Variants in TRAPPC8 observed in about 807,000 individuals in gnomAD.
TRAPPC8 encodes general sporulation gene 1 homolog.
Under a neutral mutation model 174.3 loss-of-function variants are expected in TRAPPC8, and 54 were observed. That is an observed-to-expected ratio of 0.31 (90% CI 0.25 to 0.39). TRAPPC8 has a LOEUF of 0.39. Among genes scored for constraint, TRAPPC8 ranks in the 10% least tolerant of loss-of-function variants. The probability of loss-of-function intolerance (pLI) is 1.00; values close to 1 mark genes in which losing one functional copy is unlikely to be tolerated. For missense variants in TRAPPC8, 1,531 were observed against 1,699.1 expected (o/e 0.90, Z 1.74); for synonymous variants, 630 against 579.9 (o/e 1.09, Z -1.24).
Position 31,917,479 on chromosome 18 carries a change from T to C in TRAPPC8, c.442+99A>G, listed in dbSNP as rs980054942. 20 of 1,011,564 alleles carry C rather than the reference T, an allele frequency of 2.0e-5. No homozygotes were observed. The African/African-American group carries it at 2.6e-4, about 13-fold the overall frequency. The allele number at this position is 1,011,564 out of a possible 1,614,324, so 62.7% of individuals were successfully genotyped here. ...CAATCTATAAAAAATAATTTATCTA[T>C]TCTCTGTATCTTCAACAATTTTGCC... is the stretch of plus-strand genomic sequence containing the variant. On this transcript the variant is annotated intron_variant, in intron 3 of 28. Coordinates refer to ENST00000283351, the MANE Select transcript of TRAPPC8 (RefSeq NM_014939.5).
At chr18:31,875,457 T>C (rs1243199117) in intron 12 of TRAPPC8, among the ~76,000 whole-genome samples, 1 of 152,084 alleles carries the variant, frequency 6.6e-6, no homozygotes, top group Non-Finnish European at 1.5e-5. Flanking sequence ...CTGGCCAGTG[T>C]TGTGACCACT....
At chr18:31,890,938 AC>A in intron 11 of TRAPPC8, 72 bp from the exon 12 acceptor site, 21 of 1,447,120 alleles carry the variant, frequency 1.5e-5, no homozygotes, top group Non-Finnish European at 1.6e-5. Context: ...AGTGAAAAAA[AC>A]ATTTAATTTC....
chr18:31,921,268 A>G (rs2037376001), intron 2 of TRAPPC8, among the ~76,000 whole-genome samples: 1 of 152,202 alleles, frequency 6.6e-6, no homozygotes, highest in Admixed American at 6.5e-5. Context: ...ACAAGAGAGA[A>G]GAGAAAGAAG....
In TRAPPC8 at chr18:31,841,286, T is replaced by C. The variant is rs376268027; in HGVS notation, c.3838-1829A>G. On this transcript the variant is annotated intron_variant, in intron 26 of 28. Coordinates refer to ENST00000283351, the MANE Select transcript of TRAPPC8 (RefSeq NM_014939.5). The stretch of plus-strand genomic sequence containing the variant: ...TTCTCATTTGTATATTTGTTTTTTT[T>C]GTTTTAAATTTTTTATCTTTCCAAT... 1.3e-3 allele frequency among the ~76,000 whole-genome samples: 199 copies of C among 152,296 alleles called. 1 individual carries two copies. Among genetic ancestry groups the C allele is most frequent in the Middle Eastern group, 6.8e-3 (2 of 294 alleles).
rs146221906 is a variant in TRAPPC8 at position 31,929,428 on chromosome 18, G to A, written c.352+1901C>T. ...TATAGTCCTAATTACTTGGGAGGCT[G>A]AGGTGAGAAGATTGCATAAGTCCAG... On this transcript the variant is annotated intron_variant, in intron 2 of 28. Coordinates refer to ENST00000283351, the MANE Select transcript of TRAPPC8 (RefSeq NM_014939.5). Among the ~76,000 whole-genome samples the A allele has an allele frequency of 4.0e-3, 607 of 152,198 alleles. 17 individuals carry two copies. The highest frequency in any genetic ancestry group is 0.03 in the Admixed American group (465 of 15,266).
intron 14 of TRAPPC8, among the ~76,000 whole-genome samples, chr18:31,871,915 A>C (rs942009730): frequency 6.6e-6 from 1 of 152,236 alleles, no homozygotes. Flanking sequence ...ATTCAAATAT[A>C]AGAATGTTTA....
In TRAPPC8 at chr18:31,866,837, T is replaced by C; in HGVS notation, c.2590+12A>G. On this transcript the variant is annotated intron_variant, in intron 18 of 28. Coordinates refer to ENST00000283351, the MANE Select transcript of TRAPPC8 (RefSeq NM_014939.5). ...AAGTTTTCTAATTGTTTACCAATGC[T>C]ATAGCCTTTACCTGTGTGACATCCG... The C allele has an allele frequency of 6.2e-7, 1 of 1,610,752 alleles. No homozygotes were observed. Among genetic ancestry groups the C allele is most frequent in the South Asian group, 1.1e-5 (1 of 90,478 alleles).
At chr18:31,887,322 A>G (rs962040609) in intron 12 of TRAPPC8, among the ~76,000 whole-genome samples, 1 of 152,202 alleles carries the variant, frequency 6.6e-6, no homozygotes, top group Non-Finnish European at 1.5e-5. Context: ...AACTCTCAAT[A>G]AACTGGGTAT....
chr18:31,919,558 A>G (rs2037289332), intron 2 of TRAPPC8, among the ~76,000 whole-genome samples: 1 of 125,124 alleles, frequency 8.0e-6, no homozygotes, highest in Non-Finnish European at 1.7e-5. Context: ...ATAAATAAAT[A>G]AATAAATAAA....
chr18:31,838,996 C>CT (rs2032934189), intron 27 of TRAPPC8, among the ~76,000 whole-genome samples: 1 of 152,136 alleles, frequency 6.6e-6, no homozygotes, highest in Admixed American at 6.5e-5. Context: ...TTCTCTCCAT[C>CT]TTTTATTTGC....
At chr18:31,875,651 G>C (rs1445739685) in intron 12 of TRAPPC8, among the ~76,000 whole-genome samples, 2 of 152,174 alleles carry the variant, frequency 1.3e-5, no homozygotes, top group Non-Finnish European at 2.9e-5. Context: ...TTTACTGCAG[G>C]ACTTAAGAAG....
At position 31,855,762 on chromosome 18, in the gene TRAPPC8, AGACC is replaced by A; in HGVS notation, c.3230_3233del (p.Arg1077LeufsTer2). On this transcript the variant is annotated frameshift_variant, in exon 21 of 29. Transcript: ENST00000283351. LOFTEE classifies it high-confidence loss of function. The stretch of plus-strand genomic sequence containing the variant: ...TGCAGACAGTGGCCCGTACATTTAA[AGACC>A]GACTGGTACAAATAATTGCAGTGTG... 6.2e-7 allele frequency: 1 copy of A among 1,609,048 alleles called. No individual in the cohort carries two copies. Among genetic ancestry groups the A allele is most frequent in the Non-Finnish European group, 8.5e-7 (1 of 1,178,870 alleles).
chr18:31,840,380 A>C (rs2033023233), intron 26 of TRAPPC8, among the ~76,000 whole-genome samples: 1 of 135,884 alleles, frequency 7.4e-6, no homozygotes, highest in African/African-American at 2.7e-5. Flanking sequence ...AGACAGAGGG[A>C]GGGAGGGAGG....
chr18:31,914,457 C>T (rs991929655), intron 4 of TRAPPC8, among the ~76,000 whole-genome samples: 5 of 152,172 alleles, frequency 3.3e-5, no homozygotes, highest in Middle Eastern at 3.2e-3. Flanking sequence ...CCATTCAATA[C>T]GGAAGACACA....
chr18:31,896,569 G>A (rs1009572793), intron 11 of TRAPPC8, among the ~76,000 whole-genome samples: 2 of 152,006 alleles, frequency 1.3e-5, no homozygotes, highest in African/African-American at 4.8e-5. Flanking sequence ...AAATTTTATG[G>A]GTTTATTTAT....
intron 27 of TRAPPC8, among the ~76,000 whole-genome samples, chr18:31,836,963 C>A (rs545417865): frequency 1.1e-4 from 16 of 151,880 alleles, no homozygotes; most frequent in Admixed American, 8.5e-4. Context: ...GGGGTTTCAC[C>A]GTGTTAGCCA....
chr18:31,865,998 C>T (rs1259137221), intron 18 of TRAPPC8, among the ~76,000 whole-genome samples: 1 of 151,608 alleles, frequency 6.6e-6, no homozygotes, highest in African/African-American at 2.4e-5. Context: ...ACTGAATTAT[C>T]CTAGATACCC....
At chr18:31,843,333 G>A (rs1009855702) in intron 26 of TRAPPC8, among the ~76,000 whole-genome samples, 1 of 152,046 alleles carries the variant, frequency 6.6e-6, no homozygotes, top group Admixed American at 6.6e-5. Context: ...ATGTTTACGT[G>A]AACTTCATAT....
chr18:31,833,021 G>A lies in TRAPPC8; in HGVS notation c.3984-848C>T, dbSNP rs374446321. The stretch of plus-strand genomic sequence containing the variant: ...ATACTTTTTAAACAATACCGCAAAC[G>A]TCACAGGTTTCCCTAAACAAAAACT... On this transcript the variant is annotated intron_variant, in intron 27 of 28. Coordinates refer to ENST00000283351, the MANE Select transcript of TRAPPC8 (RefSeq NM_014939.5). Among the ~76,000 whole-genome samples, 7 of 152,148 alleles carry A rather than the reference G, an allele frequency of 4.6e-5. No homozygotes were observed. The East Asian group carries it at 7.7e-4, about 17-fold the overall frequency.
Sources: allele counts gnomAD v4.1 joint callset (sites outside exome capture counted in the v4.1 genomes callset), GRCh38; gene constraint gnomAD v4.1.1; transcripts MANE v1.5; gene names NCBI Gene and HGNC (gene_info 2026-07-23, HGNC 2026-07-21).